Variants in ACP7 observed in about 807,000 individuals in gnomAD.
ACP7 encodes acid phosphatase type 7.
A neutral mutation model predicts 60.6 loss-of-function variants in ACP7; 58 were observed. That is an observed-to-expected ratio of 0.96 (90% CI 0.77 to 1.19). The LOEUF is 1.19. Ranked by LOEUF, ACP7 falls within the 50% of genes most tolerant of loss-of-function variation. ACP7 has a pLI of 0.00. For missense variants in ACP7, 574 were observed against 596.2 expected (o/e 0.96, Z 0.39); for synonymous variants, 237 against 232.6 (o/e 1.02, Z -0.17).
At chr19:39,086,381 G>A (rs751017475) in intron 2 of ACP7, among the ~76,000 whole-genome samples, 2 of 152,074 alleles carry the variant, frequency 1.3e-5, no homozygotes, top group Non-Finnish European at 2.9e-5. Flanking sequence ...TGTAATCTCA[G>A]CAATTTGGGA....
intron 11 of ACP7, among the ~76,000 whole-genome samples, chr19:39,106,329 C>T (rs554977774): frequency 7.9e-5 from 12 of 152,290 alleles, no homozygotes; most frequent in East Asian, 3.9e-4. Context: ...CCCTGCTTTG[C>T]GATGGCTGTG....
intron 2 of ACP7, among the ~76,000 whole-genome samples, chr19:39,092,824 C>T (rs1294801596): frequency 7.2e-6 from 1 of 139,044 alleles, no homozygotes; most frequent in Non-Finnish European, 1.5e-5. Flanking sequence ...GTCACCCAGG[C>T]TGGAGTGCTG....
rs35453957 is a variant in ACP7, at chr19:39,090,790, CTTTTTTTT to C, written c.121+5410_121+5417del. Among the ~76,000 whole-genome samples, 11 of 133,446 alleles carry C rather than the reference CTTTTTTTT, an allele frequency of 8.2e-5. No homozygotes were observed. The South Asian group carries it at 2.7e-3, about 32-fold the overall frequency. 87.5% of individuals were successfully genotyped at this position (133,446 alleles called of 152,430 possible). ...AACTACTCGCCCAGCCTTCCCACTT[CTTTTTTTT>C]TTTTTTTTTGGTCTATTGTTCCTAT... On this transcript the variant is annotated intron_variant, in intron 2 of 12. Transcript: ENST00000331256.
intron 11 of ACP7, among the ~76,000 whole-genome samples, chr19:39,102,158 A>ACACAC (rs56951342): frequency 2.0e-5 from 3 of 149,908 alleles, no homozygotes; most frequent in Admixed American, 6.7e-5. Flanking sequence ...ACACACACAC[A>ACACAC]AAAGATACTG....
chr19:39,111,324 C>T lies in ACP7; in HGVS notation c.*1206C>T, dbSNP rs1355921695. 1 of 152,184 alleles carries T rather than the reference C, an allele frequency of 6.6e-6. No homozygotes were observed. The highest frequency in any genetic ancestry group is 1.5e-5 in the Non-Finnish European group (1 of 68,150). 9.4% of individuals were successfully genotyped at this position (152,184 alleles called of 1,614,324 possible). ...GGCATGGTGGTGTGTGCCTGTAGTC[C>T]CAGCTGCTCAGGAGGCTGAGGCGGG... On this transcript the variant is annotated 3_prime_UTR_variant, in exon 13 of 13. Transcript: ENST00000331256.
chr19:39,090,360 G>C (rs576762529), intron 2 of ACP7, among the ~76,000 whole-genome samples: 41 of 152,080 alleles, frequency 2.7e-4, no homozygotes, highest in African/African-American at 8.9e-4. Flanking sequence ...GTAGAGACGG[G>C]GTTTCACTGT....
chr19:39,096,142 C>G (rs899611596), intron 2 of ACP7, among the ~76,000 whole-genome samples: 3 of 152,216 alleles, frequency 2.0e-5, no homozygotes, highest in African/African-American at 7.2e-5. Flanking sequence ...ATGCAAATAT[C>G]TGCAGCCAGT....
intron 12 of ACP7, among the ~76,000 whole-genome samples, chr19:39,109,313 A>G (rs1352778354): frequency 2.0e-5 from 3 of 152,126 alleles, no homozygotes; most frequent in Admixed American, 1.3e-4. Flanking sequence ...TTTTGTGTGC[A>G]TGATCTCACT....
intron 2 of ACP7, among the ~76,000 whole-genome samples, chr19:39,087,101 C>A (rs2073151599): frequency 6.6e-6 from 1 of 151,824 alleles, no homozygotes; most frequent in African/African-American, 2.4e-5. Flanking sequence ...CTCTGCCCCG[C>A]AGGGTTCAAG....
In ACP7 at chr19:39,101,179, C is replaced by T. The variant is rs548565452; in HGVS notation, c.945C>T (p.Tyr315=). The part of the protein sequence containing the change: ...KVRKGLQGKL[Y]GLEDLFYKYG... ...GCAAAGGCCTCCAAGGCAAGCTGTA[C>T]GGGTTGGAGGATCTTTTCTACAAAT... Residue 315 remains tyrosine, a synonymous_variant, in exon 9 of 13, where the codon TAC becomes TAT. Coordinates refer to ENST00000331256, the MANE Select transcript of ACP7 (RefSeq NM_001004318.3). 23 of 1,614,144 alleles carry T rather than the reference C, an allele frequency of 1.4e-5. No homozygotes were observed. The highest frequency in any genetic ancestry group is 9.9e-5 in the South Asian group (9 of 91,080).
intron 2 of ACP7, among the ~76,000 whole-genome samples, chr19:39,090,642 C>G (rs2073193381): frequency 6.7e-6 from 1 of 150,308 alleles, no homozygotes; most frequent in Non-Finnish European, 1.5e-5. Flanking sequence ...CACCACTATG[C>G]CTGGCAATTT....
At chr19:39,097,335 C>A (rs774918) in intron 2 of ACP7, among the ~76,000 whole-genome samples, 5 of 149,990 alleles carry the variant, frequency 3.3e-5, no homozygotes, top group Non-Finnish European at 7.4e-5. Context: ...ACCATCTCAC[C>A]GAGGTTGCAG....
intron 2 of ACP7, among the ~76,000 whole-genome samples, chr19:39,096,127 T>TAC (rs1600259620): frequency 1.3e-5 from 2 of 152,252 alleles, no homozygotes; most frequent in Non-Finnish European, 2.9e-5. Context: ...ATCTCCTCGT[T>TAC]ACTTATGCAA....
At chr19:39,106,028 A>C (rs1296840051) in intron 11 of ACP7, among the ~76,000 whole-genome samples, 1 of 152,178 alleles carries the variant, frequency 6.6e-6, no homozygotes, top group Non-Finnish European at 1.5e-5. Context: ...GTTATGCCTC[A>C]AACTTTCCCT....
chr19:39,109,918 C>T, intron 12 of ACP7, 135 bp from the exon 13 acceptor site: 3 of 778,862 alleles, frequency 3.9e-6, no homozygotes, highest in Non-Finnish European at 6.5e-6. Context: ...AAAACTGAGG[C>T]CCAGAGAGGC....
chr19:39,101,108 G>A (rs11673089), intron 8 of ACP7, 42 bp from the exon 9 acceptor site: 384,234 of 1,613,448 alleles, frequency 0.24, 48,127 homozygotes, highest in East Asian at 0.34. Context: ...CCAGGTGGGC[G>A]TCAGTCTGCG....
intron 2 of ACP7, among the ~76,000 whole-genome samples, chr19:39,088,884 TA>T (rs2073173578): frequency 6.6e-6 from 1 of 151,994 alleles, no homozygotes; most frequent in African/African-American, 2.4e-5. Context: ...TAGCTGGGAC[TA>T]CCAGCGCGCA....
At chr19:39,093,076 C>A (rs1193394712) in intron 2 of ACP7, among the ~76,000 whole-genome samples, 2 of 147,862 alleles carry the variant, frequency 1.4e-5, no homozygotes, top group Middle Eastern at 3.2e-3. Flanking sequence ...CCGCGCCTGG[C>A]CCCCGTTTCT....
Position 39,099,174 on chromosome 19 carries a change from G to T in ACP7, c.505+32G>T, listed in dbSNP as rs1033343615. On this transcript the variant is annotated intron_variant, in intron 4 of 12. Coordinates refer to ENST00000331256, the MANE Select transcript of ACP7 (RefSeq NM_001004318.3). ...CATCCGCAGGGGCGCGCGCAGGGACGGTGGGGGGCGCGCGCAGGGATGGTG... is the reference window on the plus strand; with the variant it reads ...CATCCGCAGGGGCGCGCGCAGGGACTGTGGGGGGCGCGCGCAGGGATGGTG... 4.3e-5 allele frequency: 63 copies of T among 1,482,086 alleles called. 1 individual carries two copies. The East Asian group carries it at 1.5e-3, about 36-fold the overall frequency. 91.8% of individuals were successfully genotyped at this position (1,482,086 alleles called of 1,614,324 possible). A position where few individuals can be genotyped will look rare whatever the true frequency, so the allele number is the denominator to read the frequency against.
Sources: allele counts gnomAD v4.1 joint callset (sites outside exome capture counted in the v4.1 genomes callset), GRCh38; gene constraint gnomAD v4.1.1; transcripts MANE v1.5; gene names NCBI Gene and HGNC (gene_info 2026-07-23, HGNC 2026-07-21).